Variants in ABCG2 observed in about 807,000 individuals in gnomAD.
ABCG2 encodes the protein ATP binding cassette subfamily G member 2 (JR blood group), also known as broad substrate specificity ATP-binding cassette transporter ABCG2.
ABCG2 carries 80 observed loss-of-function variants against 73.5 expected under a neutral mutation model. That is an observed-to-expected ratio of 1.09 (90% CI 0.91 to 1.31). ABCG2 has a LOEUF of 1.31. Among genes scored for constraint, ABCG2 ranks in the 50% most tolerant of loss-of-function variants. ABCG2 has a pLI of 0.00. For missense variants in ABCG2, 796 were observed against 786.2 expected (o/e 1.01, Z -0.15); for synonymous variants, 269 against 282.4 (o/e 0.95, Z 0.48).
chr4:88,097,649 G>T lies in ABCG2; in HGVS notation c.1493-42C>A, dbSNP rs777726365. ...AGAAGTAGTTAACCCAACTGCCTAG[G>T]TCACCGTATGTTTGGGATTGCTTAT... On this transcript the variant is annotated intron_variant, in intron 12 of 15. Coordinates refer to ENST00000237612, the MANE Select transcript of ABCG2 (RefSeq NM_004827.3). 3 of 1,596,190 alleles carry T rather than the reference G, an allele frequency of 1.9e-6. No individual in the cohort carries two copies. The South Asian group carries it at 3.4e-5, about 18-fold the overall frequency.
intron 9 of ABCG2, among the ~76,000 whole-genome samples, chr4:88,112,433 C>T (rs1354906423): frequency 1.3e-5 from 2 of 150,184 alleles, no homozygotes; most frequent in Non-Finnish European, 2.9e-5. Context: ...CTTCTCCCTA[C>T]TTCTCTCTCT....
chr4:88,171,666 T>C (rs559477511), intron 1 of ABCG2, among the ~76,000 whole-genome samples: 1 of 151,924 alleles, frequency 6.6e-6, no homozygotes, highest in South Asian at 2.1e-4. Flanking sequence ...TTGTATTATC[T>C]ATGGCTTGCT....
rs372192400 is a variant in ABCG2, at chr4:88,131,153, G to A, written c.439C>T (p.Arg147Trp). Residue 147 changes from arginine (R) to tryptophan (W), a missense_variant, in exon 5 of 16, where the codon CGG (arginine) becomes TGG (tryptophan). By Grantham distance (101) the Arg-to-Trp change is moderately radical. Transcript: ENST00000237612. The stretch of plus-strand genomic sequence containing the variant: ...TGATTCGTCATAGTTGTTGCAAGCC[G>A]AAGAGCTGCTGAGAACTGTAAGTTT... ...RENLQFSAALRLATTMTNHEK... is the reference protein window; with the variant it reads ...RENLQFSAALWLATTMTNHEK... 66 of 1,613,786 alleles carry A rather than the reference G, an allele frequency of 4.1e-5. No homozygotes were observed. Among genetic ancestry groups the A allele is most frequent in the South Asian group, 1.1e-4 (10 of 91,078 alleles).
chr4:88,167,370 CTTTTTT>C (rs551648302), intron 1 of ABCG2, among the ~76,000 whole-genome samples: 1 of 101,446 alleles, frequency 9.9e-6, no homozygotes, highest in Non-Finnish European at 1.9e-5. Flanking sequence ...TCCCTTCTGC[CTTTTTT>C]TTTTTTTTTT....
At chr4:88,121,931 T>C (rs1724029924) in intron 5 of ABCG2, 139 bp from the exon 6 acceptor site, 1 of 829,856 alleles carries the variant, frequency 1.2e-6, no homozygotes, top group Non-Finnish European at 1.8e-6. Flanking sequence ...AGTGGATACC[T>C]GGTAGAAAAA....
chr4:88,187,682 C>T (rs1226867297), intron 1 of ABCG2, among the ~76,000 whole-genome samples: 11 of 152,158 alleles, frequency 7.2e-5, no homozygotes. Flanking sequence ...GTGATTATTA[C>T]ATATTGTATG....
chr4:88,151,380 T>C (rs1726466494), intron 1 of ABCG2, among the ~76,000 whole-genome samples: 1 of 152,226 alleles, frequency 6.6e-6, no homozygotes, highest in Admixed American at 6.5e-5. Flanking sequence ...ACATGTCAAC[T>C]ACATGAAGAT....
Position 88,113,542 on chromosome 4 carries a change from T to C in ABCG2, c.955A>G (p.Ile319Val), listed in dbSNP as rs1723293945. 1 of 1,613,348 alleles carries C rather than the reference T, an allele frequency of 6.2e-7. No homozygotes were observed. The highest frequency in any genetic ancestry group is 8.5e-7 in the Non-Finnish European group (1 of 1,179,374). Residue 319 changes from isoleucine to valine, a missense_variant, in exon 9 of 16, where the codon ATA becomes GTA. Transcript: ENST00000237612. ...REEDFKATEI[I>V]EPSKQDKPLI... ...GGCTTATCCTGCTTGGAAGGCTCTATGATCTCTGTGGCTTTGCAATCAGTG... is the reference window on the plus strand; with the variant it reads ...GGCTTATCCTGCTTGGAAGGCTCTACGATCTCTGTGGCTTTGCAATCAGTG...
chr4:88,178,280 T>C (rs1478053850), intron 1 of ABCG2, among the ~76,000 whole-genome samples: 2 of 152,186 alleles, frequency 1.3e-5, no homozygotes, highest in Admixed American at 6.6e-5. Flanking sequence ...AGGCCCTAGC[T>C]CTTGGATAGC....
intron 1 of ABCG2, among the ~76,000 whole-genome samples, chr4:88,221,633 A>G (rs1351177709): frequency 6.6e-6 from 1 of 152,172 alleles, no homozygotes; most frequent in Admixed American, 6.5e-5. Context: ...TCAGATGGAG[A>G]TGAGGAACTT....
intron 1 of ABCG2, among the ~76,000 whole-genome samples, chr4:88,200,739 C>T (rs902880244): frequency 6.0e-5 from 9 of 150,642 alleles, no homozygotes; most frequent in African/African-American, 9.8e-5. Flanking sequence ...GTCTCAATCT[C>T]CTGACCTGGT....
chr4:88,185,268 G>T (rs1728406788), intron 1 of ABCG2, among the ~76,000 whole-genome samples: 1 of 152,172 alleles, frequency 6.6e-6, no homozygotes, highest in Non-Finnish European at 1.5e-5. Context: ...TGAGGCTGAG[G>T]GAGGAGAATT....
chr4:88,121,559 C>A (rs1560683438), intron 6 of ABCG2, 76 bp downstream of exon 6: 1 of 1,359,808 alleles, frequency 7.4e-7, no homozygotes, highest in Non-Finnish European at 1.0e-6. Context: ...CATTTCTGAA[C>A]CCCCTGCCCC....
At chr4:88,159,011 C>G (rs559063523), upstream of ABCG2, 2 of 368,524 alleles carry the variant, frequency 5.4e-6, no homozygotes, top group South Asian at 2.0e-5. Flanking sequence ...CCCTGCGACC[C>G]GGCTGAAAGC....
chr4:88,117,104 G>A (rs1723628627), intron 7 of ABCG2, among the ~76,000 whole-genome samples: 1 of 151,884 alleles, frequency 6.6e-6, no homozygotes, highest in African/African-American at 2.4e-5. Flanking sequence ...ACAGCAGATT[G>A]CTTTAGCTCA....
intron 1 of ABCG2, among the ~76,000 whole-genome samples, chr4:88,181,695 C>T (rs1182108213): frequency 6.6e-6 from 1 of 152,170 alleles, no homozygotes; most frequent in Non-Finnish European, 1.5e-5. Flanking sequence ...TACACCACTA[C>T]ACTACAGCCT....
intron 1 of ABCG2, among the ~76,000 whole-genome samples, chr4:88,167,189 A>C (rs1295375965): frequency 6.6e-6 from 1 of 151,760 alleles, no homozygotes; most frequent in East Asian, 1.9e-4. Context: ...AAGCAGAGTA[A>C]GGTTGTTGGC....
At chr4:88,101,478 A>G (rs1722412488) in intron 10 of ABCG2, among the ~76,000 whole-genome samples, 159 bp from the exon 11 acceptor site, 1 of 152,146 alleles carries the variant, frequency 6.6e-6, no homozygotes, top group African/African-American at 2.4e-5. Flanking sequence ...AACCCCATCA[A>G]GCCTCTCCCC....
At chr4:88,191,025 A>G (rs1051197086) in intron 1 of ABCG2, among the ~76,000 whole-genome samples, 1 of 151,238 alleles carries the variant, frequency 6.6e-6, no homozygotes, top group African/African-American at 2.4e-5. Context: ...TCACTAGGTC[A>G]GGAGATCAAG....
Sources: allele counts gnomAD v4.1 joint callset (sites outside exome capture counted in the v4.1 genomes callset), GRCh38; gene constraint gnomAD v4.1.1; transcripts MANE v1.5; gene names NCBI Gene and HGNC (gene_info 2026-07-23, HGNC 2026-07-21).